The following ARHGEF10L variants were observed in gnomAD, a reference collection of about 807,000 sequenced individuals.
ARHGEF10L encodes rho guanine nucleotide exchange factor 10-like protein.
A neutral mutation model predicts 141.2 loss-of-function variants in ARHGEF10L; 69 were observed. The observed-to-expected ratio is 0.49, with a 90% CI of 0.40 to 0.60. ARHGEF10L has a LOEUF of 0.60. Among genes scored for constraint, ARHGEF10L ranks in the 20% least tolerant of loss-of-function variants. The probability of loss-of-function intolerance (pLI) is 0.00; values close to 1 mark genes in which losing one functional copy is unlikely to be tolerated. For synonymous variants in ARHGEF10L, 711 were observed against 718.5 expected, an observed-to-expected ratio of 0.99 and a Z score of 0.17; for missense variants, 1,482 against 1,734.3, an observed-to-expected ratio of 0.85 and a Z score of 2.58.
chr1:17,692,344 G>C (rs780378180), intron 27 of ARHGEF10L, among the ~76,000 whole-genome samples: 1 of 151,942 alleles, frequency 6.6e-6, no homozygotes, highest in East Asian at 1.9e-4. Flanking sequence ...GAATCCCACC[G>C]CCTGCTTGAT....
intron 1 of ARHGEF10L, among the ~76,000 whole-genome samples, chr1:17,557,467 G>T (rs1203974522): frequency 6.6e-6 from 1 of 152,204 alleles, no homozygotes; most frequent in Non-Finnish European, 1.5e-5. Flanking sequence ...GCCTTCAAGA[G>T]CTAGTGACTC....
chr1:17,518,724 G>A, the ARHGEF10L span, among the ~76,000 whole-genome samples: 7 of 150,448 alleles, frequency 4.7e-5, no homozygotes, highest in East Asian at 2.0e-4. Context: ...CCTGGGAGGC[G>A]GAGGTTGCGG....
Position 17,615,811 on chromosome 1 carries a change from A to C in ARHGEF10L, c.727-283A>C. On this transcript the variant is annotated intron_variant, in intron 8 of 28. Transcript: ENST00000361221. The surrounding 1 kb of genome is among the most constrained non-coding windows in gnomAD (Gnocchi z 4.7). ...TCCAGCACCCCTCGGCCCCCTCCTC[A>C]CCAGGTCACATCATCTCCTGGATTA... 3.1e-6 allele frequency: 1 copy of C among 321,458 alleles called. No individual in the cohort carries two copies. The highest frequency in any genetic ancestry group is 5.9e-6 in the Non-Finnish European group (1 of 169,012). The allele number at this position is 321,458 out of a possible 1,614,324, so 19.9% of individuals were successfully genotyped here. A position where few individuals can be genotyped will look rare whatever the true frequency, so the allele number is the denominator to read the frequency against.
intron 22 of ARHGEF10L, among the ~76,000 whole-genome samples, chr1:17,653,835 A>G (rs568308320): frequency 6.6e-6 from 1 of 152,354 alleles, no homozygotes; most frequent in South Asian, 2.1e-4. Context: ...GCATCTGCGC[A>G]ATGAGGAGGC....
chr1:17,583,130 A>G (rs2078723078), intron 2 of ARHGEF10L, among the ~76,000 whole-genome samples: 2 of 148,520 alleles, frequency 1.3e-5, no homozygotes. Context: ...ACTTGAGCCC[A>G]GGAGGTTGAG....
intron 1 of ARHGEF10L, among the ~76,000 whole-genome samples, chr1:17,579,834 C>T (rs756747700): frequency 4.2e-4 from 64 of 152,176 alleles, no homozygotes; most frequent in Non-Finnish European, 1.8e-4. Context: ...GCTCCAGGGC[C>T]CAGGAAGCCC....
intron 1 of ARHGEF10L, among the ~76,000 whole-genome samples, chr1:17,564,069 T>TCCAG (rs1376785181): frequency 6.6e-6 from 1 of 152,198 alleles, no homozygotes; most frequent in Non-Finnish European, 1.5e-5. Flanking sequence ...AGGCTTGGTC[T>TCCAG]GACATCATCG....
chr1:17,670,931 C>T lies in ARHGEF10L; in HGVS notation c.3009+6336C>T, dbSNP rs551111443. Among the ~76,000 whole-genome samples, 4 of 152,374 alleles carry T rather than the reference C, an allele frequency of 2.6e-5. No individual in the cohort carries two copies. The South Asian group carries it at 6.2e-4, about 24-fold the overall frequency. On this transcript the variant is annotated intron_variant, in intron 26 of 28. Coordinates refer to ENST00000361221, the MANE Select transcript of ARHGEF10L (RefSeq NM_018125.4). ...TTAGCTTGGGTCTCGGCTTAACTGC[C>T]GCCTCCTCAGTGAAGCCACCCTGAC...
At position 17,634,848 on chromosome 1, in the gene ARHGEF10L, A is replaced by G. The variant is rs770510582; in HGVS notation, c.1759A>G (p.Ile587Val). The G allele has an allele frequency of 6.2e-7, 1 of 1,613,338 alleles. No individual in the cohort carries two copies. The change falls in exon 18 of 29, where the codon ATC (isoleucine) becomes GTC (valine). Residue 587 changes from isoleucine to valine, a missense_variant. Ile to Val is a conservative substitution (Grantham distance 29, BLOSUM62 3). Around this residue, in one of 3 missense-constraint regions of ARHGEF10L, gnomAD observed 858 missense variants for 966.3 expected, o/e 0.89. Coordinates refer to ENST00000361221, the MANE Select transcript of ARHGEF10L (RefSeq NM_018125.4). ...CTGTTCCAACAGGGGCCAGCTGGAG[A>G]TCAGCAGCCTGGTGCCCCTGGGGCC... ...KPANHRGQLE[I>V]SSLVPLGPKY...
intron 27 of ARHGEF10L, chr1:17,689,740 A>C (rs1434905386): frequency 2.2e-6 from 1 of 454,652 alleles, no homozygotes; most frequent in Non-Finnish European, 4.4e-6. Context: ...TCTGATAGCT[A>C]AATTATTTCA....
the ARHGEF10L span, among the ~76,000 whole-genome samples, chr1:17,525,532 G>A: frequency 1.3e-5 from 2 of 152,146 alleles, no homozygotes; most frequent in Non-Finnish European, 2.9e-5. Flanking sequence ...GGTGGCACAC[G>A]CCTGTGGTCC....
At chr1:17,632,285 C>T (rs369469960) in intron 15 of ARHGEF10L, 36 bp from the exon 16 acceptor site, 15 of 1,609,970 alleles carry the variant, frequency 9.3e-6, no homozygotes, top group South Asian at 5.5e-5. Flanking sequence ...CGCCGGGCCG[C>T]GATGCTGATG....
intron 14 of ARHGEF10L, among the ~76,000 whole-genome samples, chr1:17,626,646 T>C (rs1180404779): frequency 6.6e-6 from 1 of 152,214 alleles, no homozygotes; most frequent in Admixed American, 6.5e-5. Flanking sequence ...TAAGTTTATT[T>C]ATTTACCATC....
At chr1:17,553,195 G>A (rs1031884801) in intron 1 of ARHGEF10L, among the ~76,000 whole-genome samples, 4 of 152,186 alleles carry the variant, frequency 2.6e-5, no homozygotes, top group African/African-American at 9.7e-5. Context: ...GGAGCCAGTT[G>A]CCTGGGTTCT....
At chr1:17,606,752 A>G (rs2081215508) in intron 6 of ARHGEF10L, among the ~76,000 whole-genome samples, 1 of 152,208 alleles carries the variant, frequency 6.6e-6, no homozygotes, top group Admixed American at 6.5e-5. Context: ...TAACAGATGA[A>G]GAAATGAAAC....
intron 15 of ARHGEF10L, among the ~76,000 whole-genome samples, chr1:17,629,752 C>G (rs992922851): frequency 4.6e-5 from 7 of 152,210 alleles, no homozygotes; most frequent in African/African-American, 1.4e-4. Context: ...GGAGAAAAAG[C>G]CTTCAGCCCC....
intron 1 of ARHGEF10L, among the ~76,000 whole-genome samples, chr1:17,574,090 G>T (rs915360872): frequency 6.6e-6 from 1 of 152,062 alleles, no homozygotes; most frequent in Non-Finnish European, 1.5e-5. Context: ...GCACCTGCAG[G>T]GTTGAGGAGG....
chr1:17,565,914 G>C (rs1557714671), intron 1 of ARHGEF10L, among the ~76,000 whole-genome samples: 2 of 152,250 alleles, frequency 1.3e-5, no homozygotes, highest in East Asian at 3.9e-4. Context: ...GCCAGGTGGT[G>C]CAGATACAGA....
intron 1 of ARHGEF10L, among the ~76,000 whole-genome samples, chr1:17,545,005 C>T (rs75360740): frequency 6.6e-6 from 1 of 152,156 alleles, no homozygotes; most frequent in Non-Finnish European, 1.5e-5. Flanking sequence ...TTACCTCCCA[C>T]CACGTCCCTC....
Sources: gnomAD v4.1 joint callset for allele counts (sites outside exome capture counted in the v4.1 genomes callset) on GRCh38, gnomAD v4.1.1 for gene constraint, gnomAD v4.1.1 regional missense constraint, Gnocchi (gnomAD v3.1) non-coding constraint, MANE v1.5 for transcripts, NCBI Gene and HGNC (gene_info 2026-07-23, HGNC 2026-07-21) for gene names.